Variants in ADAMTS17 observed in about 807,000 individuals in gnomAD.
ADAMTS17 encodes A disintegrin and metalloproteinase with thrombospondin motifs 17.
In ADAMTS17, 113 loss-of-function variants were observed where a neutral mutation model predicts 141.5. The ratio of observed to expected loss-of-function variants is 0.80; its 90% CI spans 0.69 to 0.93. The LOEUF (loss-of-function observed/expected upper bound fraction) is 0.93, where lower values mean the gene tolerates loss of function less well. Among genes scored for constraint, ADAMTS17 ranks in the 40% least tolerant of loss-of-function variants. The pLI is 0.00. For missense variants in ADAMTS17, 1,659 were observed against 1,517.9 expected (o/e 1.09, Z -1.54); for synonymous variants, 768 against 630.6 (o/e 1.22, Z -3.27).
chr15:100,157,929 C>T (rs1420494011), intron 8 of ADAMTS17, among the ~76,000 whole-genome samples: 1 of 150,526 alleles, frequency 6.6e-6, no homozygotes, highest in African/African-American at 2.5e-5. Context: ...TGCTCAGTCA[C>T]CCAGGCTGGA....
At chr15:100,045,655 A>C (rs962329298) in intron 18 of ADAMTS17, among the ~76,000 whole-genome samples, 1 of 152,074 alleles carries the variant, frequency 6.6e-6, no homozygotes, top group African/African-American at 2.4e-5. Flanking sequence ...TCCTTTCTGG[A>C]GTTTTTCCTT....
chr15:99,978,239 G>A (rs2060408273), intron 20 of ADAMTS17, among the ~76,000 whole-genome samples: 1 of 152,198 alleles, frequency 6.6e-6, no homozygotes, highest in South Asian at 2.1e-4. Flanking sequence ...CTCCCAGGGG[G>A]GCTTCTGCAA....
chr15:100,011,011 A>G (rs1426724203), intron 18 of ADAMTS17, among the ~76,000 whole-genome samples: 3 of 152,016 alleles, frequency 2.0e-5, no homozygotes, highest in Admixed American at 1.3e-4. Flanking sequence ...GCGTCTCCGG[A>G]AGCCGGCGGT....
At chr15:100,240,258 G>C (rs923034835) in intron 7 of ADAMTS17, among the ~76,000 whole-genome samples, 3 of 152,150 alleles carry the variant, frequency 2.0e-5, no homozygotes, top group African/African-American at 7.2e-5. Context: ...CCAATCCCCA[G>C]GCCTAAGTGA....
chr15:100,295,112 T>C (rs1291358408), intron 3 of ADAMTS17, among the ~76,000 whole-genome samples: 1 of 152,178 alleles, frequency 6.6e-6, no homozygotes, highest in Non-Finnish European at 1.5e-5. Context: ...CTTGTGTCAT[T>C]GACCTTCTTA....
chr15:100,215,205 A>C (rs1045911573), intron 7 of ADAMTS17, among the ~76,000 whole-genome samples: 4 of 152,238 alleles, frequency 2.6e-5, no homozygotes, highest in Non-Finnish European at 2.9e-5. Flanking sequence ...GAGGCCAGCA[A>C]TTAAACCAGA....
At chr15:100,015,423 CT>C (rs968587135) in intron 18 of ADAMTS17, among the ~76,000 whole-genome samples, 1 of 151,450 alleles carries the variant, frequency 6.6e-6, no homozygotes. Flanking sequence ...TTTTGTTTTT[CT>C]TTTTGTTTTT....
At chr15:100,160,859 G>T (rs989500103) in intron 8 of ADAMTS17, among the ~76,000 whole-genome samples, 1 of 152,200 alleles carries the variant, frequency 6.6e-6, no homozygotes, top group African/African-American at 2.4e-5. Flanking sequence ...TAGACCGGGA[G>T]GAGCCTTGAT....
chr15:100,006,077 C>T (rs2061031523), intron 18 of ADAMTS17, among the ~76,000 whole-genome samples: 1 of 152,172 alleles, frequency 6.6e-6, no homozygotes, highest in African/African-American at 2.4e-5. Context: ...AACCCTACTT[C>T]AGTATGATAT....
At chr15:100,121,496 A>G (rs1339374568) in intron 12 of ADAMTS17, among the ~76,000 whole-genome samples, 1 of 152,186 alleles carries the variant, frequency 6.6e-6, no homozygotes. Flanking sequence ...ATTATTAGCC[A>G]GTTTCTCACC....
chr15:100,174,943 C>T (rs914026336), intron 8 of ADAMTS17, among the ~76,000 whole-genome samples: 9 of 152,162 alleles, frequency 5.9e-5, no homozygotes, highest in African/African-American at 2.2e-4. Flanking sequence ...AAAAGCCTCC[C>T]AGTGTCAATA....
chr15:100,340,917 T>A, intron 2 of ADAMTS17, 122 bp downstream of exon 2: 2 of 1,406,442 alleles, frequency 1.4e-6, no homozygotes, highest in Admixed American at 2.0e-5. Context: ...AGGCAGGGGG[T>A]TCCCTCCGGT....
chr15:100,233,287 G>A (rs930243044), intron 7 of ADAMTS17, among the ~76,000 whole-genome samples: 5 of 150,378 alleles, frequency 3.3e-5, no homozygotes, highest in Admixed American at 6.6e-5. Flanking sequence ...CCAAGATTGC[G>A]CTATGGCACT....
intron 7 of ADAMTS17, among the ~76,000 whole-genome samples, chr15:100,225,929 C>T (rs1012170969): frequency 3.4e-4 from 51 of 148,844 alleles, no homozygotes; most frequent in African/African-American, 1.2e-3. Flanking sequence ...ACAGCAGTCA[C>T]GGTCTCTGTG....
intron 18 of ADAMTS17, among the ~76,000 whole-genome samples, chr15:100,016,197 A>G (rs1201319286): frequency 6.6e-6 from 1 of 152,132 alleles, no homozygotes; most frequent in Non-Finnish European, 1.5e-5. Context: ...AGTGTGTCCA[A>G]TGTTTCCTGA....
intron 18 of ADAMTS17, among the ~76,000 whole-genome samples, chr15:100,037,828 G>A (rs907590948): frequency 6.6e-6 from 1 of 152,094 alleles, no homozygotes; most frequent in Non-Finnish European, 1.5e-5. Flanking sequence ...AGGCTGGAGT[G>A]CAGTGGTGCA....
chr15:100,156,175 G>A (rs532670138), intron 8 of ADAMTS17, among the ~76,000 whole-genome samples: 1 of 152,362 alleles, frequency 6.6e-6, no homozygotes, highest in African/African-American at 2.4e-5. Context: ...CAGCTTGGGA[G>A]AAGAGATGAA....
intron 8 of ADAMTS17, among the ~76,000 whole-genome samples, chr15:100,159,213 C>T (rs1334233762): frequency 1.3e-5 from 2 of 152,112 alleles, no homozygotes; most frequent in African/African-American, 4.8e-5. Flanking sequence ...AGATATGAAC[C>T]CAACCTAAAC....
intron 7 of ADAMTS17, among the ~76,000 whole-genome samples, chr15:100,249,587 T>C (rs1405515459): frequency 5.9e-5 from 9 of 152,178 alleles, no homozygotes; most frequent in Non-Finnish European, 1.0e-4. Flanking sequence ...TTCTATGTGA[T>C]GTCAGTGGCC....
Sources: gnomAD v4.1 joint callset for allele counts (sites outside exome capture counted in the v4.1 genomes callset) on GRCh38, gnomAD v4.1.1 for gene constraint, MANE v1.5 for transcripts, NCBI Gene and HGNC (gene_info 2026-07-23, HGNC 2026-07-21) for gene names.